The following TMEM51 variants were observed in gnomAD, a reference collection of about 807,000 sequenced individuals.
TMEM51 encodes the protein transmembrane protein 51.
Under a neutral mutation model 13.6 loss-of-function variants are expected in TMEM51, and 8 were observed. That is an observed-to-expected ratio of 0.59 (90% CI 0.35 to 1.07). TMEM51 has a LOEUF of 1.07. Ranked by LOEUF, TMEM51 falls within the 50% of genes least tolerant of loss-of-function variation. The pLI, the probability that TMEM51 is intolerant of heterozygous loss-of-function variation, is 0.02. For missense variants in TMEM51, 279 were observed against 330.7 expected (o/e 0.84, Z 1.21); for synonymous variants, 147 against 144.4 (o/e 1.02, Z -0.13).
chr1:15,178,799 T>A lies in TMEM51; in HGVS notation c.-267+24845T>A, dbSNP rs141471506. The stretch of plus-strand genomic sequence containing the variant: ...TAGATCTGCATTGGTCCCCTGGAGG[T>A]CCCTTAGCGGAGAGTTTAGGGGAAG... On this transcript the variant is annotated intron_variant, in intron 1 of 3. Transcript: ENST00000376008. Among the ~76,000 whole-genome samples, 1,308 of 152,250 alleles carry A rather than the reference T, an allele frequency of 8.6e-3. 64 individuals carry two copies. Among genetic ancestry groups the A allele is most frequent in the Admixed American group, 0.08 (1,225 of 15,292 alleles).
chr1:15,153,228 AAGG>A (rs5772618), upstream of TMEM51, among the ~76,000 whole-genome samples: 116,604 of 151,886 alleles, frequency 0.77, 45,232 homozygotes, highest in East Asian at 0.94. Context: ...CCTCCCCAGG[AAGG>A]AGGAGAGGTG....
At chr1:15,210,844 T>C (rs1386297360) in intron 2 of TMEM51, among the ~76,000 whole-genome samples, 1 of 152,206 alleles carries the variant, frequency 6.6e-6, no homozygotes, top group East Asian at 1.9e-4. Context: ...GCTCGGGTGC[T>C]GTCCAGGGTC....
At chr1:15,171,085 T>G in intron 1 of TMEM51, 1 of 1,038,410 alleles carries the variant, frequency 9.6e-7, no homozygotes, top group South Asian at 1.4e-5. Flanking sequence ...CATAGATTGC[T>G]GGGTCCTCCC....
chr1:15,189,213 C>CTTTTTTTTTTTTTTTTTTTTTTTTTTTT, intron 1 of TMEM51, among the ~76,000 whole-genome samples: 1 of 92,852 alleles, frequency 1.1e-5, no homozygotes, highest in Non-Finnish European at 2.1e-5. Context: ...CTAATTTTTC[C>CTTTTTTTTTTTTTTTTTTTTTTTTTTTT]TTTTTTTTTT....
intron 1 of TMEM51, among the ~76,000 whole-genome samples, chr1:15,180,275 G>T (rs1643574492): frequency 1.3e-5 from 2 of 151,976 alleles, no homozygotes; most frequent in Non-Finnish European, 2.9e-5. Context: ...TGGTCCCAGG[G>T]CTGTCTCCTG....
At chr1:15,187,260 G>T (rs912032713) in intron 1 of TMEM51, among the ~76,000 whole-genome samples, 2 of 142,484 alleles carry the variant, frequency 1.4e-5, no homozygotes, top group Non-Finnish European at 3.0e-5. Context: ...ATCTTAATTC[G>T]CCCTGTTGCC....
intron 1 of TMEM51, among the ~76,000 whole-genome samples, chr1:15,181,814 G>A (rs541449878): frequency 3.9e-5 from 6 of 152,278 alleles, no homozygotes; most frequent in African/African-American, 1.2e-4. Context: ...CCATCAAACC[G>A]TGACGTCTGG....
At chr1:15,157,749 A>G (rs75508461) in intron 1 of TMEM51, among the ~76,000 whole-genome samples, 2,353 of 152,240 alleles carry the variant, frequency 0.015, 76 homozygotes, top group African/African-American at 0.053. Flanking sequence ...TAGTGAGTGC[A>G]TTTATCTGGC....
intron 1 of TMEM51, among the ~76,000 whole-genome samples, chr1:15,191,429 G>A (rs1046167188): frequency 1.3e-4 from 20 of 152,186 alleles, no homozygotes; most frequent in South Asian, 4.1e-4. Context: ...TTCTTGGGGC[G>A]GTGGGTAGCC....
chr1:15,166,549 G>A (rs1044594296), intron 1 of TMEM51, among the ~76,000 whole-genome samples: 32 of 152,166 alleles, frequency 2.1e-4, no homozygotes, highest in Admixed American at 1.4e-3. Context: ...GTGAAACCCC[G>A]TCTCTACTAA....
intron 1 of TMEM51, among the ~76,000 whole-genome samples, chr1:15,156,214 C>T (rs1642587606): frequency 1.3e-5 from 2 of 152,164 alleles, no homozygotes; most frequent in South Asian, 2.1e-4. Context: ...CTCTCCGGCT[C>T]GCTGGCTCCA....
At chr1:15,178,069 G>T (rs1643503534) in intron 1 of TMEM51, among the ~76,000 whole-genome samples, 1 of 151,900 alleles carries the variant, frequency 6.6e-6, no homozygotes, top group Non-Finnish European at 1.5e-5. Flanking sequence ...TTTGACCCTG[G>T]CTCAATAATG....
Position 15,220,077 on chromosome 1 carries a change from G to A in TMEM51, c.*334G>A, listed in dbSNP as rs1207291786. The stretch of plus-strand genomic sequence containing the variant: ...TTCCAGCTAGGAAAGGGTTCCTCGC[G>A]GCTGGTTTAGATTGTGGTTGTTTGT... On this transcript the variant is annotated 3_prime_UTR_variant, in exon 4 of 4. Transcript: ENST00000376008. 5 of 301,424 alleles carry A rather than the reference G, an allele frequency of 1.7e-5. No homozygotes were observed. The highest frequency in any genetic ancestry group is 6.4e-5 in the East Asian group (1 of 15,650). The allele number at this position is 301,424 out of a possible 1,614,324, so 18.7% of individuals were successfully genotyped here. A position where few individuals can be genotyped will look rare whatever the true frequency, so the allele number is the denominator to read the frequency against.
intron 1 of TMEM51, among the ~76,000 whole-genome samples, chr1:15,187,977 G>A (rs566067523): frequency 5.3e-5 from 8 of 152,316 alleles, no homozygotes; most frequent in African/African-American, 1.4e-4. Context: ...AGCTGCTCGC[G>A]CTGTTGGCAC....
Position 15,220,032 on chromosome 1 carries a change from C to A in TMEM51, c.*289C>A. 1 of 396,990 alleles carries A rather than the reference C, an allele frequency of 2.5e-6. No individual in the cohort carries two copies. Among genetic ancestry groups the A allele is most frequent in the South Asian group, 5.9e-5 (1 of 17,038 alleles). 24.6% of individuals were successfully genotyped at this position (396,990 alleles called of 1,614,324 possible). ...TCTTCCCATCCTTTTCACTCCGAAT[C>A]GCTGGCGACACATTCTCCTTTCCAG... On this transcript the variant is annotated 3_prime_UTR_variant, in exon 4 of 4. Transcript: ENST00000376008.
chr1:15,154,451 GT>G (rs1382739384), intron 1 of TMEM51, among the ~76,000 whole-genome samples: 1 of 152,180 alleles, frequency 6.6e-6, no homozygotes, highest in Non-Finnish European at 1.5e-5. Flanking sequence ...AAACACGGGG[GT>G]AAAGAATCGG....
At chr1:15,192,461 C>CTTTTTTTTTTTTT (rs1553201486) in intron 1 of TMEM51, 19 of 38,416 alleles carry the variant, frequency 4.9e-4, no homozygotes, top group African/African-American at 1.8e-3. Context: ...TTTTCTTTTC[C>CTTTTTTTTTTTTT]TTTTTTTTTA....
At chr1:15,173,481 A>C (rs1307839378) in intron 1 of TMEM51, among the ~76,000 whole-genome samples, 1 of 151,972 alleles carries the variant, frequency 6.6e-6, no homozygotes, top group African/African-American at 2.4e-5. Flanking sequence ...TCAGCCTCCC[A>C]AAGTGCTGGG....
intron 1 of TMEM51, among the ~76,000 whole-genome samples, chr1:15,204,654 T>C (rs1644217450): frequency 6.6e-6 from 1 of 152,228 alleles, no homozygotes; most frequent in Admixed American, 6.5e-5. Context: ...CGCTGCCACT[T>C]ACTAAACTGA....
Sources: allele counts gnomAD v4.1 joint callset (sites outside exome capture counted in the v4.1 genomes callset), GRCh38; gene constraint gnomAD v4.1.1; transcripts MANE v1.5; gene names NCBI Gene and HGNC (gene_info 2026-07-23, HGNC 2026-07-21).